Variants in KCTD3 observed in about 807,000 individuals in gnomAD.
KCTD3 encodes BTB/POZ domain-containing protein KCTD3.
In KCTD3, 41 loss-of-function variants were observed where a neutral mutation model predicts 85.8. The ratio of observed to expected loss-of-function variants is 0.48; its 90% CI spans 0.37 to 0.62. The LOEUF is 0.62. KCTD3 is among the 20% of genes least tolerant of loss of function. KCTD3 has a pLI of 0.00. For synonymous variants in KCTD3, 338 were observed against 345.4 expected (o/e 0.98, Z 0.24); for missense variants, 724 against 989.9 (o/e 0.73, Z 3.60).
At chr1:215,580,040 G>T in intron 8 of KCTD3, 41 bp downstream of exon 8, 1 of 1,231,138 alleles carries the variant, frequency 8.1e-7, no homozygotes, top group Non-Finnish European at 1.2e-6. Flanking sequence ...ACAGGTGGCA[G>T]TTTGAAAATT....
intron 1 of KCTD3, among the ~76,000 whole-genome samples, chr1:215,569,802 A>G (rs1362657048): frequency 6.6e-6 from 1 of 152,172 alleles, no homozygotes; most frequent in Non-Finnish European, 1.5e-5. Flanking sequence ...TGATATTAGC[A>G]AAGATACAAA....
intron 4 of KCTD3, 33 bp from the exon 5 acceptor site, chr1:215,577,637 G>T: frequency 7.1e-7 from 1 of 1,413,522 alleles, no homozygotes; most frequent in Non-Finnish European, 1.0e-6. Context: ...GGTTTCCAGT[G>T]TTAGAGAATT....
intron 4 of KCTD3, among the ~76,000 whole-genome samples, chr1:215,576,574 C>T (rs918616988): frequency 5.9e-5 from 9 of 151,582 alleles, no homozygotes; most frequent in Non-Finnish European, 1.0e-4. Context: ...CAAATAGTTT[C>T]GAAATAGAAT....
rs200685184 is a variant in KCTD3 at position 215,570,640 on chromosome 1, G to A, written c.83+2872G>A. The stretch of plus-strand genomic sequence containing the variant: ...ACAGTAGTACCAATCTTATCAGATT[G>A]TTATAGGAATTTGAAGTAATAAATG... On this transcript the variant is annotated intron_variant, in intron 1 of 17. Transcript: ENST00000259154. Among the ~76,000 whole-genome samples, 435 of 152,286 alleles carry A rather than the reference G, an allele frequency of 2.9e-3. 3 individuals are homozygous for A. The highest frequency in any genetic ancestry group is 9.9e-3 in the African/African-American group (410 of 41,552).
At chr1:215,573,739 T>A (rs757523086) in intron 1 of KCTD3, 47 bp from the exon 2 acceptor site, 1 of 1,187,236 alleles carries the variant, frequency 8.4e-7, no homozygotes. Flanking sequence ...ATACTGAAAT[T>A]TCAAATCATG....
chr1:215,618,663 A>G (rs560810505), intron 15 of KCTD3: 79 of 385,368 alleles, frequency 2.0e-4, no homozygotes, highest in African/African-American at 1.4e-3. Flanking sequence ...TTTGAAGTTG[A>G]GTATTATCCT....
intron 15 of KCTD3, chr1:215,617,940 A>G (rs1322094565): frequency 1.7e-5 from 3 of 175,684 alleles, no homozygotes. Flanking sequence ...GATTTTCTTT[A>G]TCCTGTCATT....
At chr1:215,595,318 T>G in intron 9 of KCTD3, 38 bp from the exon 10 acceptor site, 1 of 1,234,144 alleles carries the variant, frequency 8.1e-7, no homozygotes. Context: ...CTAAAAATGG[T>G]GACTGATTAA....
In KCTD3 at chr1:215,619,236, A is replaced by G. The variant is rs1655573655; in HGVS notation, c.1831A>G (p.Ile611Val). The G allele has an allele frequency of 6.2e-7, 1 of 1,613,834 alleles. No individual in the cohort carries two copies. The highest frequency in any genetic ancestry group is 8.5e-7 in the Non-Finnish European group (1 of 1,179,816). The change falls in exon 17 of 18, where the codon ATC (isoleucine) becomes GTC (valine). Residue 611 changes from isoleucine (I) to valine (V), a missense_variant. By Grantham distance (29) the Ile-to-Val change is conservative (BLOSUM62 3). Transcript: ENST00000259154. Reference protein sequence around the residue: ...LSTSRCATPNISPATSVVQHS... With the variant: ...LSTSRCATPNVSPATSVVQHS... ...CACATCTCGCTGTGCTACTCCTAAC[A>G]TCAGTCCAGCAACTTCCGTAGTTCA...
chr1:215,580,073 A>T, intron 8 of KCTD3, 74 bp downstream of exon 8: 1 of 993,442 alleles, frequency 1.0e-6, no homozygotes, highest in South Asian at 1.4e-5. Context: ...ATATTTTTAG[A>T]TTGAAAAGCT....
At chr1:215,611,721 C>A in intron 14 of KCTD3, 104 bp from the exon 15 acceptor site, 1 of 675,110 alleles carries the variant, frequency 1.5e-6, no homozygotes, top group Non-Finnish European at 2.5e-6. Flanking sequence ...CATATTGGTA[C>A]GTATAAGAAA....
chr1:215,598,717 T>C (rs1445135150), intron 10 of KCTD3, among the ~76,000 whole-genome samples: 1 of 152,166 alleles, frequency 6.6e-6, no homozygotes, highest in Non-Finnish European at 1.5e-5. Flanking sequence ...TTTTTAATTT[T>C]ATTTAATGGT....
Position 215,608,064 on chromosome 1 carries a change from A to C in KCTD3, c.1357A>C (p.Arg453=). 9 of 1,612,220 alleles carry C rather than the reference A, an allele frequency of 5.6e-6. No individual in the cohort carries two copies. The highest frequency in any genetic ancestry group is 5.1e-6 in the Non-Finnish European group (6 of 1,178,724). ...HVRTWTVTRF[R]GMISTQPGST... ...CCGGACGTGGACAGTAACACGATTCAGAGGAATGATCTCTACTCAGCCAGG... is the reference window on the plus strand; with the variant it reads ...CCGGACGTGGACAGTAACACGATTCCGAGGAATGATCTCTACTCAGCCAGG... The change falls in exon 14 of 18, where the codon AGA becomes CGA. Residue 453 remains arginine (R), a synonymous_variant. Coordinates refer to ENST00000259154, the MANE Select transcript of KCTD3 (RefSeq NM_016121.5).
At chr1:215,590,766 G>T (rs187538197) in intron 9 of KCTD3, among the ~76,000 whole-genome samples, 7 of 152,160 alleles carry the variant, frequency 4.6e-5, no homozygotes, top group Non-Finnish European at 8.8e-5. Context: ...ATTTGTTAAA[G>T]TATTTGTCTG....
At position 215,620,110 on chromosome 1, in the gene KCTD3, TGAGGCCTTACAGA is replaced by T; in HGVS notation, c.1943_1955del (p.Arg648LysfsTer5). ...CATGAAGCAGCTACTTACGGTTCCA[TGAGGCCTTACAGA>T]GAAAGTCCTTTATTAGCAAGGGCAA... is the stretch of plus-strand genomic sequence containing the variant. On this transcript the variant is annotated frameshift_variant, in exon 18 of 18. Transcript: ENST00000259154. LOFTEE classifies it low-confidence loss of function (END_TRUNC). 6.2e-7 allele frequency: 1 copy of T among 1,612,946 alleles called. No homozygotes were observed. Among genetic ancestry groups the T allele is most frequent in the Non-Finnish European group, 8.5e-7 (1 of 1,179,504 alleles).
At chr1:215,595,033 G>A (rs754727606) in intron 9 of KCTD3, among the ~76,000 whole-genome samples, 1 of 152,146 alleles carries the variant, frequency 6.6e-6, no homozygotes, top group Admixed American at 6.5e-5. Flanking sequence ...TGGATCCCAG[G>A]ATCCTTTTTG....
intron 1 of KCTD3, among the ~76,000 whole-genome samples, chr1:215,573,452 G>C (rs1659445854): frequency 6.6e-6 from 1 of 152,132 alleles, no homozygotes; most frequent in South Asian, 2.1e-4. Context: ...GAACCTGAAG[G>C]TAATTTTGAA....
chr1:215,567,525 C>T lies in KCTD3; in HGVS notation c.-161C>T, dbSNP rs963600759. The stretch of plus-strand genomic sequence containing the variant: ...GGGGCAGAAGCTAGCGAGCCCCGCC[C>T]GGCCGCCGGGAAGGTGGGGGAAGCC... On this transcript the variant is annotated 5_prime_UTR_variant, in exon 1 of 18. Transcript: ENST00000259154. 3 of 308,942 alleles carry T rather than the reference C, an allele frequency of 9.7e-6. No homozygotes were observed. Among genetic ancestry groups the T allele is most frequent in the African/African-American group, 6.6e-5 (3 of 45,560 alleles). 19.1% of individuals were successfully genotyped at this position (308,942 alleles called of 1,614,324 possible).
At chr1:215,601,129 G>T (rs1205746566) in intron 10 of KCTD3, among the ~76,000 whole-genome samples, 1 of 144,098 alleles carries the variant, frequency 6.9e-6, no homozygotes, top group Admixed American at 6.7e-5. Context: ...TAGAGACAGG[G>T]TTTCACCGTG....
Sources: allele counts gnomAD v4.1 joint callset (sites outside exome capture counted in the v4.1 genomes callset), GRCh38; gene constraint gnomAD v4.1.1; transcripts MANE v1.5; gene names NCBI Gene and HGNC (gene_info 2026-07-23, HGNC 2026-07-21).